The following ROBO2 variants were observed in gnomAD, a reference collection of about 807,000 sequenced individuals.
ROBO2 encodes roundabout guidance receptor 2.
ROBO2 carries 53 observed loss-of-function variants against 160.8 expected under a neutral mutation model. The ratio of observed to expected loss-of-function variants is 0.33; its 90% CI spans 0.26 to 0.41. The LOEUF (loss-of-function observed/expected upper bound fraction) is 0.41. ROBO2 is among the 10% of genes least tolerant of loss of function. The probability of loss-of-function intolerance (pLI) is 1.00; values close to 1 mark genes in which losing one functional copy is unlikely to be tolerated. For synonymous variants in ROBO2, 664 were observed against 611.7 expected, an observed-to-expected ratio of 1.09 and a Z score of -1.26; for missense variants, 1,577 against 1,722.4, an observed-to-expected ratio of 0.92 and a Z score of 1.49.
intron 2 of ROBO2, among the ~76,000 whole-genome samples, chr3:76,628,306 G>T (rs547540473): frequency 6.6e-6 from 1 of 152,002 alleles, no homozygotes; most frequent in African/African-American, 2.4e-5. Flanking sequence ...CTGGAGTACA[G>T]TGGCACGATC....
chr3:75,928,860 ACGTGTGTG>A (rs1404890936), intron 1 of ROBO2, among the ~76,000 whole-genome samples: 1 of 99,054 alleles, frequency 1.0e-5, no homozygotes, highest in Non-Finnish European at 2.0e-5. Flanking sequence ...GCTGGATAAG[ACGTGTGTG>A]TGTGTGTGTG....
intron 12 of ROBO2, 41 bp downstream of exon 13, chr3:77,565,161 A>G: frequency 6.2e-7 from 1 of 1,606,576 alleles, no homozygotes. Context: ...TCTAGGCAGA[A>G]ACATCAGATA....
intron 2 of ROBO2, among the ~76,000 whole-genome samples, chr3:77,147,019 T>C (rs1489226222): frequency 6.6e-6 from 1 of 152,098 alleles, no homozygotes; most frequent in Non-Finnish European, 1.5e-5. Context: ...TTAGTAAATA[T>C]GTACACTGGG....
intron 2 of ROBO2, among the ~76,000 whole-genome samples, chr3:76,193,708 G>A (rs1702116453): frequency 6.6e-6 from 1 of 152,182 alleles, no homozygotes; most frequent in South Asian, 2.1e-4. Context: ...CATATTTTAA[G>A]CTTTCATAAA....
intron 2 of ROBO2, among the ~76,000 whole-genome samples, chr3:76,798,752 G>C (rs2063967055): frequency 6.6e-6 from 1 of 152,040 alleles, no homozygotes; most frequent in Non-Finnish European, 1.5e-5. Flanking sequence ...AAGTAGCTAG[G>C]CATGGTGGTG....
chr3:76,293,808 G>C (rs914014472), intron 2 of ROBO2, among the ~76,000 whole-genome samples: 1 of 152,164 alleles, frequency 6.6e-6, no homozygotes, highest in Non-Finnish European at 1.5e-5. Context: ...GACTATAACC[G>C]TTCTATTGTC....
intron 2 of ROBO2, among the ~76,000 whole-genome samples, chr3:76,856,331 A>G (rs1009289420): frequency 1.3e-5 from 2 of 152,320 alleles, no homozygotes; most frequent in South Asian, 2.1e-4. Context: ...TGTATACAAC[A>G]TGATGTTTTA....
chr3:76,910,958 C>T (rs1046781658), intron 2 of ROBO2, among the ~76,000 whole-genome samples: 3 of 151,926 alleles, frequency 2.0e-5, no homozygotes, highest in Non-Finnish European at 4.4e-5. Flanking sequence ...AAATACTCTC[C>T]ACAAAATTGT....
chr3:77,334,842 A>T (rs1309962965), intron 2 of ROBO2, among the ~76,000 whole-genome samples: 1 of 152,186 alleles, frequency 6.6e-6, no homozygotes, highest in Non-Finnish European at 1.5e-5. Context: ...AACTCTGCAC[A>T]GTCCATAAGA....
intron 17 of ROBO2, among the ~76,000 whole-genome samples, chr3:77,592,389 G>T (rs1006154140): frequency 2.6e-5 from 4 of 152,040 alleles, no homozygotes; most frequent in Non-Finnish European, 4.4e-5. Context: ...ACAGAAAATA[G>T]ATTGTCCCAA....
chr3:77,364,180 A>T (rs1025930206), intron 2 of ROBO2, among the ~76,000 whole-genome samples: 1 of 152,010 alleles, frequency 6.6e-6, no homozygotes, highest in African/African-American at 2.4e-5. Context: ...CTTCCCTGCT[A>T]TATGTCTTAT....
At chr3:77,561,635 G>GA (rs2093324610) in intron 9 of ROBO2, among the ~76,000 whole-genome samples, 1 of 151,926 alleles carries the variant, frequency 6.6e-6, no homozygotes, top group African/African-American at 2.4e-5. Context: ...TTTTTATTGT[G>GA]ATCAAAAAAG....
intron 2 of ROBO2, among the ~76,000 whole-genome samples, chr3:76,910,083 C>T (rs2075870207): frequency 6.6e-6 from 1 of 152,094 alleles, no homozygotes; most frequent in South Asian, 2.1e-4. Flanking sequence ...GCTGCTGTTA[C>T]TGGTAAAATA....
chr3:77,105,343 G>A (rs151230844), intron 2 of ROBO2, among the ~76,000 whole-genome samples: 23 of 152,220 alleles, frequency 1.5e-4, no homozygotes, highest in Non-Finnish European at 3.1e-4. Flanking sequence ...AGCAACTTTC[G>A]TTTTTTGTAA....
chr3:77,166,025 T>C (rs1398169948), intron 2 of ROBO2, among the ~76,000 whole-genome samples: 1 of 152,166 alleles, frequency 6.6e-6, no homozygotes, highest in African/African-American at 2.4e-5. Context: ...TTGCAGATGG[T>C]GATACTTTAC....
intron 2 of ROBO2, among the ~76,000 whole-genome samples, chr3:76,418,696 T>A (rs2075862247): frequency 1.3e-5 from 2 of 151,448 alleles, no homozygotes; most frequent in South Asian, 2.1e-4. Flanking sequence ...TTTTTTTTTT[T>A]AACAAAACCA....
intron 2 of ROBO2, among the ~76,000 whole-genome samples, chr3:76,724,804 G>A (rs1178962670): frequency 6.6e-6 from 1 of 152,106 alleles, no homozygotes; most frequent in Non-Finnish European, 1.5e-5. Flanking sequence ...CTTTGAGATA[G>A]GGAGATTAGC....
chr3:77,609,067 CATATATGCTCT>C (rs2094577425), intron 21 of ROBO2, among the ~76,000 whole-genome samples: 1 of 151,400 alleles, frequency 6.6e-6, no homozygotes. Flanking sequence ...AATATATATA[CATATATGCTCT>C]ATATATGCAT....
At chr3:76,417,224 G>A (rs1461546394) in intron 2 of ROBO2, among the ~76,000 whole-genome samples, 3 of 152,186 alleles carry the variant, frequency 2.0e-5, no homozygotes, top group Non-Finnish European at 4.4e-5. Context: ...CTAACTCAGT[G>A]TACTCATTTT....
Sources: gnomAD v4.1 joint callset for allele counts (sites outside exome capture counted in the v4.1 genomes callset) on GRCh38, gnomAD v4.1.1 for gene constraint, MANE v1.5 for transcripts, NCBI Gene and HGNC (gene_info 2026-07-23, HGNC 2026-07-21) for gene names.